Variants in CYP11A1 observed in about 807,000 individuals in gnomAD.
CYP11A1 encodes the protein cholesterol side-chain cleavage enzyme, mitochondrial.
In CYP11A1, 25 loss-of-function variants were observed where a neutral mutation model predicts 51.9. That is an observed-to-expected ratio of 0.48 (90% CI 0.35 to 0.67). CYP11A1 has a LOEUF of 0.67. Ranked by LOEUF, CYP11A1 falls within the 30% of genes least tolerant of loss-of-function variation. CYP11A1 has a pLI of 0.00. For synonymous variants in CYP11A1, 245 were observed against 262.1 expected, an observed-to-expected ratio of 0.93 and a Z score of 0.63; for missense variants, 578 against 680.9, an observed-to-expected ratio of 0.85 and a Z score of 1.68.
Position 74,341,602 on chromosome 15 carries a change from G to A in CYP11A1, c.990+1375C>T, listed in dbSNP as rs62003751. Among the ~76,000 whole-genome samples, 789 of 152,230 alleles carry A rather than the reference G, an allele frequency of 5.2e-3. 6 individuals carry two copies. The highest frequency in any genetic ancestry group is 5.7e-3 in the Non-Finnish European group (388 of 68,016). On this transcript the variant is annotated intron_variant, in intron 5 of 8. Coordinates refer to ENST00000268053, the MANE Select transcript of CYP11A1 (RefSeq NM_000781.3). ...CTCCCCACCTCTCAGCTTTGTCAGT[G>A]GCAGGTGCTTGCCTCTGTCACTGCA...
chr15:74,340,702 C>G (rs180675548), intron 5 of CYP11A1, among the ~76,000 whole-genome samples: 1 of 152,020 alleles, frequency 6.6e-6, no homozygotes, highest in Non-Finnish European at 1.5e-5. Flanking sequence ...TTTTCAGATG[C>G]GGAAACTGAA....
chr15:74,348,192 A>G, intron 1 of CYP11A1, 137 bp from the exon 2 acceptor site: 3 of 890,444 alleles, frequency 3.4e-6, no homozygotes, highest in Non-Finnish European at 5.2e-6. Context: ...TCTGAGTCTC[A>G]GTTTCCTCTT....
Position 74,362,962 on chromosome 15 carries a change from A to C in CYP11A1, c.269+4355T>G, listed in dbSNP as rs150462576. 3 of 152,360 alleles carry C rather than the reference A, an allele frequency of 2.0e-5. No individual in the cohort carries two copies. In the East Asian group the frequency reaches 5.8e-4, roughly 29 times the overall value. 9.4% of individuals were successfully genotyped at this position (152,360 alleles called of 1,614,324 possible). On this transcript the variant is annotated intron_variant, in intron 1 of 8. Coordinates refer to ENST00000268053, the MANE Select transcript of CYP11A1 (RefSeq NM_000781.3). ...TCCACATAACCCACATCGTGGGTTA[A>C]AGAGAACATTGCCAGAAGTCCTTCA... is the stretch of plus-strand genomic sequence containing the variant.
chr15:74,358,955 G>T (rs2060694223), intron 1 of CYP11A1, among the ~76,000 whole-genome samples: 1 of 152,148 alleles, frequency 6.6e-6, no homozygotes, highest in South Asian at 2.1e-4. Context: ...AAAGGACTCT[G>T]TCAAGAATAG....
intron 5 of CYP11A1, among the ~76,000 whole-genome samples, chr15:74,342,631 G>T (rs2060612332): frequency 6.6e-6 from 1 of 152,136 alleles, no homozygotes; most frequent in Non-Finnish European, 1.5e-5. Flanking sequence ...CAGGAGCTGG[G>T]GGCATTGTCC....
chr15:74,343,686 T>A, intron 4 of CYP11A1, 103 bp downstream of exon 4: 2 of 1,067,820 alleles, frequency 1.9e-6, no homozygotes, highest in Non-Finnish European at 2.9e-6. Context: ...ACAGTGTGGG[T>A]TTCCTACAGG....
intron 1 of CYP11A1, chr15:74,350,298 C>G (rs1482021209): frequency 5.0e-6 from 1 of 199,926 alleles, no homozygotes; most frequent in Middle Eastern, 5.0e-4. Flanking sequence ...AAAAAACCCA[C>G]AAAAGTTGTA....
intron 1 of CYP11A1, among the ~76,000 whole-genome samples, chr15:74,357,804 A>G (rs562419621): frequency 1.3e-5 from 2 of 152,298 alleles, no homozygotes; most frequent in South Asian, 4.1e-4. Flanking sequence ...TCGCTGCTTT[A>G]ATACTTTTAG....
At position 74,337,998 on chromosome 15, in the gene CYP11A1, A is replaced by G. The variant is rs777925426; in HGVS notation, c.1540T>C (p.Phe514Leu). 4.3e-6 allele frequency: 7 copies of G among 1,614,028 alleles called. No individual in the cohort carries two copies. The highest frequency in any genetic ancestry group is 5.1e-6 in the Non-Finnish European group (6 of 1,180,034). Residue 514 changes from phenylalanine (F) to leucine (L), a missense_variant, in exon 9 of 9, where the codon TTT (phenylalanine) becomes CTT (leucine). Coordinates refer to ENST00000268053, the MANE Select transcript of CYP11A1 (RefSeq NM_000781.3). Reference protein sequence around the residue: ...EKPISFTFWPFNQEATQQ With the variant: ...EKPISFTFWPLNQEATQQ Reference sequence around the variant, plus strand: ...CACTGCTGGGTTGCTTCCTGGTTAAAGGGCCAGAAGGTGAAGGAGATGGGC... The same window carrying G: ...CACTGCTGGGTTGCTTCCTGGTTAAGGGGCCAGAAGGTGAAGGAGATGGGC...
rs746296048 is a variant in CYP11A1 at position 74,348,061 on chromosome 15, G to T, written c.270-6C>A. 6.2e-7 allele frequency: 1 copy of T among 1,614,024 alleles called. No individual in the cohort carries two copies. The highest frequency in any genetic ancestry group is 1.1e-5 in the South Asian group (1 of 91,050). On this transcript the variant is annotated splice_polypyrimidine_tract_variant and splice_region_variant and intron_variant, in intron 1 of 8. Coordinates refer to ENST00000268053, the MANE Select transcript of CYP11A1 (RefSeq NM_000781.3). ...CCACGTTGCCGAGCTTCTCCCTGGA[G>T]GGGTGGGGGAGAGGGGCTGATGGAA... is the stretch of plus-strand genomic sequence containing the variant.
chr15:74,350,489 TG>T (rs1174782531), intron 1 of CYP11A1, among the ~76,000 whole-genome samples: 1 of 151,970 alleles, frequency 6.6e-6, no homozygotes, highest in Non-Finnish European at 1.5e-5. Context: ...ATCTGTAAAG[TG>T]GGGAAATAAT....
At position 74,348,064 on chromosome 15, in the gene CYP11A1, G is replaced by A. The variant is rs374236209; in HGVS notation, c.270-9C>T. 3.2e-5 allele frequency: 52 copies of A among 1,613,942 alleles called. No individual in the cohort carries two copies. In the African/African-American group the frequency reaches 5.2e-4, roughly 16 times the overall value. ...CGTTGCCGAGCTTCTCCCTGGAGGG[G>A]TGGGGGAGAGGGGCTGATGGAAGGA... is the stretch of plus-strand genomic sequence containing the variant. On this transcript the variant is annotated splice_polypyrimidine_tract_variant and intron_variant, in intron 1 of 8. Transcript: ENST00000268053.
intron 2 of CYP11A1, 123 bp downstream of exon 2, chr15:74,347,777 A>G (rs1308568719): frequency 4.5e-6 from 4 of 884,600 alleles, no homozygotes; most frequent in Non-Finnish European, 7.2e-6. Flanking sequence ...ACGGGGATTC[A>G]CCTAGAGGCC....
At chr15:74,348,813 G>C (rs998819854) in intron 1 of CYP11A1, among the ~76,000 whole-genome samples, 1 of 152,112 alleles carries the variant, frequency 6.6e-6, no homozygotes, top group Non-Finnish European at 1.5e-5. Flanking sequence ...GCTCACTGCA[G>C]CCCTGACCTC....
intron 4 of CYP11A1, 122 bp from the exon 5 acceptor site, chr15:74,343,259 C>T: frequency 2.0e-6 from 2 of 993,270 alleles, no homozygotes; most frequent in Non-Finnish European, 1.6e-6. Flanking sequence ...GCTTCTTAGG[C>T]TGCCGTTTTA....
rs1377336455 is a variant in CYP11A1 at position 74,367,549 on chromosome 15, C to G, written c.37G>C (p.Val13Leu). The G allele has an allele frequency of 6.2e-7, 1 of 1,614,040 alleles. No individual in the cohort carries two copies. Among genetic ancestry groups the G allele is most frequent in the African/African-American group, 1.3e-5 (1 of 74,938 alleles). ...AKGLPPRSVL[V>L]KGCQTFLSAP... The stretch of plus-strand genomic sequence containing the variant: ...CTCAGAAAGGTCTGGCAGCCTTTGA[C>G]CAGGACTGAGCGTGGGGGAAGACCC... Residue 13 changes from valine (V) to leucine (L), a missense_variant, in exon 1 of 9, where the codon GTC becomes CTC. By Grantham distance (32) the Val-to-Leu change is conservative. Coordinates refer to ENST00000268053, the MANE Select transcript of CYP11A1 (RefSeq NM_000781.3).
Position 74,337,892 on chromosome 15 carries a change from C to G in CYP11A1, c.*80G>C. On this transcript the variant is annotated 3_prime_UTR_variant, in exon 9 of 9. Transcript: ENST00000268053. ...GGGCAGAAAGGAGCAGGACTTGGGA[C>G]AGACGACTGAAGATGCAGAGACCCC... is the stretch of plus-strand genomic sequence containing the variant. 1.9e-6 allele frequency: 3 copies of G among 1,591,244 alleles called. No homozygotes were observed. In the South Asian group the frequency reaches 3.3e-5, roughly 18 times the overall value.
rs1047410593 is a variant in CYP11A1 at position 74,343,220 on chromosome 15, C to T, written c.830-83G>A. ...GGGCAGTCTGTGGTGAAAGGTGGCACCAAGGGCCTGGGGATTCCGGAGCCC... is the reference window on the plus strand; with the variant it reads ...GGGCAGTCTGTGGTGAAAGGTGGCATCAAGGGCCTGGGGATTCCGGAGCCC... On this transcript the variant is annotated intron_variant, in intron 4 of 8. Transcript: ENST00000268053. 2.1e-6 allele frequency: 3 copies of T among 1,460,620 alleles called. No individual in the cohort carries two copies. In the African/African-American group the frequency reaches 4.2e-5, roughly 20 times the overall value. 90.5% of individuals were successfully genotyped at this position (1,460,620 alleles called of 1,614,324 possible). A position where few individuals can be genotyped will look rare whatever the true frequency, so the allele number is the denominator to read the frequency against.
intron 7 of CYP11A1, among the ~76,000 whole-genome samples, 182 bp downstream of exon 7, chr15:74,339,054 TG>T (rs2060593477): frequency 6.6e-6 from 1 of 152,148 alleles, no homozygotes; most frequent in African/African-American, 2.4e-5. Flanking sequence ...CTCCTAACCC[TG>T]GGTTCCAATA....
Sources: allele counts gnomAD v4.1 joint callset (sites outside exome capture counted in the v4.1 genomes callset), GRCh38; gene constraint gnomAD v4.1.1; transcripts MANE v1.5; gene names NCBI Gene and HGNC (gene_info 2026-07-23, HGNC 2026-07-21).